CTNNA2: variants seen among roughly 807,000 people sequenced by gnomAD.
The protein encoded by CTNNA2 is catenin alpha 2.
CTNNA2 carries 42 observed loss-of-function variants against 101.0 expected under a neutral mutation model. The ratio of observed to expected loss-of-function variants is 0.42; its 90% CI spans 0.32 to 0.54. The LOEUF is 0.54. CTNNA2 is among the 20% of genes least tolerant of loss of function. The pLI is 0.14. For synonymous variants in CTNNA2, 450 were observed against 456.4 expected (o/e 0.99, Z 0.18); for missense variants, 871 against 1,223.1 (o/e 0.71, Z 4.29).
intron 1 of CTNNA2, among the ~76,000 whole-genome samples, chr2:79,526,638 T>C (rs1672420040): frequency 6.6e-6 from 1 of 152,120 alleles, no homozygotes; most frequent in Non-Finnish European, 1.5e-5. Flanking sequence ...TTTATTTTAC[T>C]GGAATAGAAT....
At chr2:80,098,229 G>C (rs1700290315) in intron 7 of CTNNA2, among the ~76,000 whole-genome samples, 1 of 152,198 alleles carries the variant, frequency 6.6e-6, no homozygotes, top group Non-Finnish European at 1.5e-5. Flanking sequence ...CTAACAGTCA[G>C]GACCCTCAGC....
chr2:80,602,620 C>A (rs1005261965), intron 15 of CTNNA2, among the ~76,000 whole-genome samples: 1 of 151,874 alleles, frequency 6.6e-6, no homozygotes, highest in Non-Finnish European at 1.5e-5. Context: ...CCAAGTGTTC[C>A]TTAAAAAATA....
chr2:79,577,864 T>G (rs1214977458), intron 1 of CTNNA2, among the ~76,000 whole-genome samples: 2 of 152,150 alleles, frequency 1.3e-5, no homozygotes, highest in African/African-American at 4.8e-5. Flanking sequence ...TTCCCTATGT[T>G]TAGGAAGAAG....
At chr2:79,882,856 A>G (rs1330782548) in intron 6 of CTNNA2, among the ~76,000 whole-genome samples, 2 of 152,110 alleles carry the variant, frequency 1.3e-5, no homozygotes, top group African/African-American at 4.8e-5. Context: ...GCGTCTTCCG[A>G]TCCGTGGGTT....
intron 7 of CTNNA2, among the ~76,000 whole-genome samples, chr2:80,172,509 A>G (rs182660814): frequency 1.2e-4 from 18 of 152,288 alleles, no homozygotes; most frequent in African/African-American, 3.8e-4. Context: ...AAAGACCAAT[A>G]GCATCAGCAT....
At chr2:80,411,305 C>A (rs527566067) in intron 8 of CTNNA2, among the ~76,000 whole-genome samples, 31 of 152,200 alleles carry the variant, frequency 2.0e-4, no homozygotes, top group African/African-American at 7.0e-4. Flanking sequence ...ATCCCTAAAT[C>A]CCCAGAAAGT....
chr2:79,752,893 A>C (rs1049592496), intron 3 of CTNNA2, among the ~76,000 whole-genome samples: 1 of 152,232 alleles, frequency 6.6e-6, no homozygotes, highest in Non-Finnish European at 1.5e-5. Context: ...AAGACAGTTC[A>C]GGGTTGCATG....
intron 2 of CTNNA2, among the ~76,000 whole-genome samples, chr2:79,261,810 G>C (rs1393329145): frequency 6.6e-6 from 1 of 152,182 alleles, no homozygotes; most frequent in Non-Finnish European, 1.5e-5. Flanking sequence ...ACACAATTCA[G>C]TCTATAACAA....
intron 7 of CTNNA2, among the ~76,000 whole-genome samples, chr2:79,922,094 A>T (rs367834310): frequency 2.0e-5 from 3 of 152,198 alleles, no homozygotes; most frequent in Non-Finnish European, 2.9e-5. Context: ...GGATTCAGAG[A>T]CAGGTATCAT....
chr2:80,495,724 A>C (rs1358093664), intron 9 of CTNNA2, among the ~76,000 whole-genome samples: 4 of 152,114 alleles, frequency 2.6e-5, no homozygotes, highest in Non-Finnish European at 5.9e-5. Context: ...AGATTACCTG[A>C]GGTCAGGAGT....
chr2:80,473,959 C>CA (rs1241012925), intron 9 of CTNNA2, among the ~76,000 whole-genome samples: 11 of 152,106 alleles, frequency 7.2e-5, no homozygotes, highest in African/African-American at 2.7e-4. Context: ...CTTCTCTTTC[C>CA]AAAACCATCT....
At chr2:80,083,003 G>A (rs898208247) in intron 7 of CTNNA2, among the ~76,000 whole-genome samples, 1 of 152,068 alleles carries the variant, frequency 6.6e-6, no homozygotes, top group African/African-American at 2.4e-5. Context: ...CAGGGGTATA[G>A]CTTCTTGTTT....
chr2:80,518,469 A>G (rs1023203538), intron 9 of CTNNA2, among the ~76,000 whole-genome samples: 1 of 152,126 alleles, frequency 6.6e-6, no homozygotes, highest in Non-Finnish European at 1.5e-5. Context: ...CAACATATAC[A>G]TCATGGATAT....
chr2:79,426,953 G>A (rs1678597781), intron 4 of CTNNA2, among the ~76,000 whole-genome samples: 1 of 152,060 alleles, frequency 6.6e-6, no homozygotes, highest in Non-Finnish European at 1.5e-5. Flanking sequence ...ATGAAGTGGT[G>A]TAATGTAAGT....
chr2:79,702,660 G>C (rs1177121567), intron 2 of CTNNA2, among the ~76,000 whole-genome samples: 1 of 152,122 alleles, frequency 6.6e-6, no homozygotes, highest in Non-Finnish European at 1.5e-5. Context: ...TCTTGTACTA[G>C]GTTCCTGGGA....
chr2:79,918,069 G>C (rs1304184401), intron 7 of CTNNA2, among the ~76,000 whole-genome samples: 3 of 150,852 alleles, frequency 2.0e-5, no homozygotes, highest in Non-Finnish European at 2.9e-5. Context: ...AACTCCAGGA[G>C]CTCCCTGTTG....
intron 4 of CTNNA2, among the ~76,000 whole-genome samples, chr2:79,431,838 T>C (rs1480483550): frequency 6.6e-6 from 1 of 152,206 alleles, no homozygotes; most frequent in South Asian, 2.1e-4. Flanking sequence ...TAGGCCTGTA[T>C]GTTGCTCCTC....
intron 7 of CTNNA2, among the ~76,000 whole-genome samples, chr2:79,950,020 G>A (rs185404409): frequency 9.3e-4 from 141 of 151,942 alleles, no homozygotes; most frequent in African/African-American, 3.2e-3. Context: ...AAATGTACAT[G>A]GAAAAGAAAA....
rs532004723 is a variant in CTNNA2, at chr2:80,633,709, G to A, written c.2575-13876G>A. On this transcript the variant is annotated intron_variant, in intron 18 of 18. Coordinates refer to ENST00000402739, the MANE Select transcript of CTNNA2 (RefSeq NM_001282597.3). ...CTATTTCGGTTTTCTCATATATAAA[G>A]CAGCAATGATGGTATTCAACTTGTA... Among the ~76,000 whole-genome samples the A allele has an allele frequency of 4.6e-5, 7 of 152,278 alleles. No individual in the cohort carries two copies. The South Asian group carries it at 1.4e-3, about 32-fold the overall frequency.
Sources: gnomAD v4.1 joint callset for allele counts (sites outside exome capture counted in the v4.1 genomes callset) on GRCh38, gnomAD v4.1.1 for gene constraint, MANE v1.5 for transcripts, NCBI Gene and HGNC (gene_info 2026-07-23, HGNC 2026-07-21) for gene names.